The following PPARGC1A variants were observed in gnomAD, a reference collection of about 807,000 sequenced individuals.
The protein encoded by PPARGC1A is peroxisome proliferator-activated receptor gamma coactivator 1-alpha.
A neutral mutation model predicts 88.7 loss-of-function variants in PPARGC1A; 25 were observed. The observed-to-expected ratio is 0.28, with a 90% CI of 0.21 to 0.39. PPARGC1A has a LOEUF of 0.39. PPARGC1A is among the 10% of genes least tolerant of loss of function. The pLI, the probability that PPARGC1A is intolerant of heterozygous loss-of-function variation, is 1.00. For synonymous variants in PPARGC1A, 363 were observed against 355.6 expected (o/e 1.02, Z -0.24); for missense variants, 880 against 968.7 (o/e 0.91, Z 1.22).
chr4:24,301,961 T>C, the PPARGC1A span, among the ~76,000 whole-genome samples: 2 of 152,168 alleles, frequency 1.3e-5, no homozygotes, highest in Non-Finnish European at 2.9e-5. Flanking sequence ...GAGGGCATGC[T>C]GCTCTTGAAA....
the PPARGC1A span, among the ~76,000 whole-genome samples, chr4:23,940,914 C>A: frequency 6.6e-6 from 1 of 152,142 alleles, no homozygotes; most frequent in South Asian, 2.1e-4. Context: ...CACTTTAAAA[C>A]CCCAAATGTA....
the PPARGC1A span, among the ~76,000 whole-genome samples, chr4:24,177,681 G>GAA: frequency 8.9e-3 from 1,287 of 144,528 alleles, 17 homozygotes; most frequent in Non-Finnish European, 0.015. Flanking sequence ...TTTAAAAAAG[G>GAA]AAAAAAAAAA....
At chr4:24,252,884 T>C in the PPARGC1A span, among the ~76,000 whole-genome samples, 5 of 152,184 alleles carry the variant, frequency 3.3e-5, no homozygotes, top group African/African-American at 1.2e-4. Context: ...TAGCCCAAAA[T>C]CAAGTGTGTA....
chr4:24,153,486 A>G, the PPARGC1A span, among the ~76,000 whole-genome samples: 2 of 152,210 alleles, frequency 1.3e-5, no homozygotes, highest in Admixed American at 6.5e-5. Context: ...AAGTATAAAT[A>G]GCAATTATCA....
At chr4:23,957,656 C>T in the PPARGC1A span, among the ~76,000 whole-genome samples, 2 of 152,000 alleles carry the variant, frequency 1.3e-5, no homozygotes, top group Non-Finnish European at 2.9e-5. Context: ...GCAAAGAAAG[C>T]AAAGTCCCTC....
At chr4:23,921,274 C>CGT in the PPARGC1A span, among the ~76,000 whole-genome samples, 48 of 151,522 alleles carry the variant, frequency 3.2e-4, no homozygotes, top group East Asian at 5.2e-3. Flanking sequence ...CAAGTGCATG[C>CGT]GTGTGTGTGT....
At chr4:24,380,928 G>A in the PPARGC1A span, among the ~76,000 whole-genome samples, 1 of 150,812 alleles carries the variant, frequency 6.6e-6, no homozygotes, top group East Asian at 2.0e-4. Context: ...CAAGTCATAA[G>A]TGAAGGGTAG....
At chr4:24,130,686 T>C in the PPARGC1A span, among the ~76,000 whole-genome samples, 56 of 152,116 alleles carry the variant, frequency 3.7e-4, no homozygotes, top group African/African-American at 1.3e-3. Flanking sequence ...TCACTTCACA[T>C]CTCCAGACCT....
At chr4:24,288,496 C>T in the PPARGC1A span, among the ~76,000 whole-genome samples, 3 of 152,296 alleles carry the variant, frequency 2.0e-5, no homozygotes, top group South Asian at 6.2e-4. Context: ...AGATGAAAGG[C>T]TCAAAATGAA....
At chr4:23,911,338 A>T in the PPARGC1A span, among the ~76,000 whole-genome samples, 1 of 152,184 alleles carries the variant, frequency 6.6e-6, no homozygotes, top group Non-Finnish European at 1.5e-5. Flanking sequence ...TCTTATTTAC[A>T]AATATAAACA....
the PPARGC1A span, among the ~76,000 whole-genome samples, chr4:24,317,210 T>C: frequency 1.3e-5 from 2 of 151,934 alleles, no homozygotes; most frequent in African/African-American, 4.8e-5. Flanking sequence ...TATTCATGTG[T>C]TCATTCAAAC....
the PPARGC1A span, among the ~76,000 whole-genome samples, chr4:24,442,159 C>T: frequency 2.0e-5 from 3 of 152,078 alleles, no homozygotes; most frequent in Non-Finnish European, 2.9e-5. Flanking sequence ...ATATAAATTA[C>T]ATAAATAATA....
upstream of PPARGC1A, among the ~76,000 whole-genome samples, chr4:23,908,660 A>G (rs946004382): frequency 6.6e-6 from 1 of 152,100 alleles, no homozygotes; most frequent in Non-Finnish European, 1.5e-5. Flanking sequence ...CCCTACATGA[A>G]CTCTGCCTAT....
the PPARGC1A span, among the ~76,000 whole-genome samples, chr4:24,206,840 TAAAAAAAAAAAAAAA>T: frequency 2.2e-3 from 94 of 43,680 alleles, 1 homozygote; most frequent in Non-Finnish European, 3.2e-3. Context: ...GACTTCACCT[TAAAAAAAAAAAAAAA>T]AAAAAAAAAA....
At chr4:24,319,310 G>C in the PPARGC1A span, among the ~76,000 whole-genome samples, 1 of 152,150 alleles carries the variant, frequency 6.6e-6, no homozygotes, top group Non-Finnish European at 1.5e-5. Context: ...CAATTCAACT[G>C]TACTCCAGCC....
chr4:24,170,088 A>T, the PPARGC1A span, among the ~76,000 whole-genome samples: 66 of 152,320 alleles, frequency 4.3e-4, no homozygotes, highest in African/African-American at 1.6e-3. Context: ...AAAAGAGCAG[A>T]GGCAACAGCT....
the PPARGC1A span, among the ~76,000 whole-genome samples, chr4:24,120,687 T>G: frequency 2.6e-5 from 4 of 152,186 alleles, no homozygotes; most frequent in Admixed American, 6.5e-5. Flanking sequence ...GATAAGGTCA[T>G]GGGGGTAGAG....
chr4:24,444,767 A>G, the PPARGC1A span, among the ~76,000 whole-genome samples: 2 of 152,176 alleles, frequency 1.3e-5, no homozygotes, highest in Non-Finnish European at 2.9e-5. Flanking sequence ...TTGAAAGAAC[A>G]AAGAGACAAA....
At chr4:24,081,944 G>A in the PPARGC1A span, among the ~76,000 whole-genome samples, 3 of 151,910 alleles carry the variant, frequency 2.0e-5, no homozygotes, top group East Asian at 1.9e-4. Flanking sequence ...CCACTTCCTC[G>A]ATAAGGCTTC....
Sources: gnomAD v4.1 joint callset for allele counts (sites outside exome capture counted in the v4.1 genomes callset) on GRCh38, gnomAD v4.1.1 for gene constraint, MANE v1.5 for transcripts, NCBI Gene and HGNC (gene_info 2026-07-23, HGNC 2026-07-21) for gene names.